RXRA: variants seen among roughly 807,000 people sequenced by gnomAD.
The protein encoded by RXRA is retinoic acid receptor RXR-alpha.
Under a neutral mutation model 44.5 loss-of-function variants are expected in RXRA, and 5 were observed. That is an observed-to-expected ratio of 0.11 (90% CI 0.06 to 0.24). RXRA has a LOEUF of 0.24. RXRA is among the 10% of genes least tolerant of loss of function. RXRA has a pLI of 1.00. For synonymous variants in RXRA, 291 were observed against 271.4 expected (o/e 1.07, Z -0.71); for missense variants, 412 against 646.5 (o/e 0.64, Z 3.93).
intron 1 of RXRA, among the ~76,000 whole-genome samples, chr9:134,351,771 A>G (rs1830224570): frequency 6.6e-6 from 1 of 152,280 alleles, no homozygotes. Context: ...GTTTTTAACC[A>G]TCAGAACGCG....
intron 1 of RXRA, among the ~76,000 whole-genome samples, chr9:134,398,034 C>T (rs559926602): frequency 9.2e-5 from 14 of 151,988 alleles, no homozygotes; most frequent in East Asian, 1.9e-4. Context: ...GGCTGGAGTG[C>T]GATGGCGCGA....
At chr9:134,423,758 G>T in intron 6 of RXRA, 2 of 985,458 alleles carry the variant, frequency 2.0e-6, no homozygotes, top group Non-Finnish European at 2.4e-6. Context: ...TTGTTTGCAG[G>T]GGCTCCCCCA....
At chr9:134,348,066 G>A (rs1830176333) in intron 1 of RXRA, among the ~76,000 whole-genome samples, 1 of 152,202 alleles carries the variant, frequency 6.6e-6, no homozygotes, top group Non-Finnish European at 1.5e-5. Context: ...CCAACAGGCC[G>A]GGAGAGAGGG....
intron 1 of RXRA, among the ~76,000 whole-genome samples, chr9:134,328,328 A>G (rs536184967): frequency 3.3e-5 from 5 of 152,272 alleles, no homozygotes; most frequent in African/African-American, 1.2e-4. Flanking sequence ...CGGGTGGGAC[A>G]GGGATAGTCC....
chr9:134,377,992 G>A (rs1042283253), intron 1 of RXRA, among the ~76,000 whole-genome samples: 7 of 152,214 alleles, frequency 4.6e-5, no homozygotes, highest in South Asian at 2.1e-4. Context: ...GCTCAGCGTC[G>A]GCCACACCCA....
At chr9:134,336,440 C>T (rs1178065846) in intron 1 of RXRA, among the ~76,000 whole-genome samples, 2 of 152,214 alleles carry the variant, frequency 1.3e-5, no homozygotes, top group East Asian at 1.9e-4. Context: ...GACTTTGTGA[C>T]TTGGAGCACG....
chr9:134,392,762 C>G (rs1830819344), intron 1 of RXRA, among the ~76,000 whole-genome samples: 1 of 152,184 alleles, frequency 6.6e-6, no homozygotes. Context: ...GGTCCCTGGT[C>G]CTGGCCCCTG....
chr9:134,401,825 C>T lies in RXRA; in HGVS notation c.222C>T (p.Pro74=), dbSNP rs1490458943. 1.2e-6 allele frequency: 2 copies of T among 1,612,744 alleles called. No homozygotes were observed. Among genetic ancestry groups the T allele is most frequent in the Non-Finnish European group, 1.7e-6 (2 of 1,179,776 alleles). ...CGGTCATCAGCTCCCCCATGGGCCC[C>T]CACTCCATGTCGGTGCCCACCACAC... The part of the protein sequence containing the change: ...PFSVISSPMG[P]HSMSVPTTPT... Residue 74 remains proline (P), a synonymous_variant, in exon 2 of 10, where the codon CCC becomes CCT. Coordinates refer to ENST00000481739, the MANE Select transcript of RXRA (RefSeq NM_002957.6).
At chr9:134,410,710 G>GC (rs1401140993) in intron 4 of RXRA, among the ~76,000 whole-genome samples, 5 of 151,812 alleles carry the variant, frequency 3.3e-5, no homozygotes, top group African/African-American at 7.3e-5. Flanking sequence ...TGGAGCTGGG[G>GC]GGGGAAGGCC....
rs1284932059 is a variant in RXRA at position 134,439,685 on chromosome 9, GGGTGCGTGATCT to G, written c.*3077_*3088del. On this transcript the variant is annotated 3_prime_UTR_variant, in exon 10 of 10. Transcript: ENST00000481739. ...GGCTGGTGTCCCTGTCGTGGAGCTGGGGTGCGTGATCTGGTGCTCGTCCACGCAGGTGTGTGG... is the reference window on the plus strand; with the variant it reads ...GGCTGGTGTCCCTGTCGTGGAGCTGGGGTGCTCGTCCACGCAGGTGTGTGG... The G allele has an allele frequency of 1.3e-5, 2 of 152,802 alleles. No individual in the cohort carries two copies. Among genetic ancestry groups the G allele is most frequent in the African/African-American group, 2.4e-5 (1 of 41,486 alleles). The allele number at this position is 152,802 out of a possible 1,614,324, so 9.5% of individuals were successfully genotyped here.
chr9:134,413,197 G>T (rs1229567051), intron 4 of RXRA, among the ~76,000 whole-genome samples: 2 of 152,154 alleles, frequency 1.3e-5, no homozygotes, highest in Non-Finnish European at 2.9e-5. Context: ...TGCGAGCTTG[G>T]GGGTGGATGA....
intron 6 of RXRA, chr9:134,425,559 GGGGTGA>G: frequency 1.4e-6 from 1 of 739,316 alleles, no homozygotes; most frequent in Non-Finnish European, 1.6e-6. Flanking sequence ...GGGGTGGGGG[GGGGTGA>G]GGGGGGTGGG....
chr9:134,392,440 C>A (rs1437775426), intron 1 of RXRA, among the ~76,000 whole-genome samples: 2 of 152,178 alleles, frequency 1.3e-5, no homozygotes, highest in Admixed American at 6.5e-5. Flanking sequence ...GGTGGGTGGC[C>A]CTGAGCCCAC....
At position 134,410,046 on chromosome 9, in the gene RXRA, C is replaced by G. The variant is rs35213182; in HGVS notation, c.610+927C>G. Reference sequence around the variant, plus strand: ...CCACTGTCTCACCGTCAGGGATGTCCTGAGTGGCCACCTTGGTGCTGCAGT... The same window carrying G: ...CCACTGTCTCACCGTCAGGGATGTCGTGAGTGGCCACCTTGGTGCTGCAGT... On this transcript the variant is annotated intron_variant, in intron 4 of 9. Coordinates refer to ENST00000481739, the MANE Select transcript of RXRA (RefSeq NM_002957.6). Among the ~76,000 whole-genome samples, 100 of 152,346 alleles carry G rather than the reference C, an allele frequency of 6.6e-4. No homozygotes were observed. The East Asian group carries it at 0.019, about 29-fold the overall frequency.
At chr9:134,409,178 G>C in intron 4 of RXRA, 59 bp downstream of exon 4, 2 of 1,453,708 alleles carry the variant, frequency 1.4e-6, no homozygotes, top group South Asian at 1.4e-5. Context: ...TGGGGCCCGG[G>C]CTTGTGCGTG....
At chr9:134,353,787 G>A (rs908668606) in intron 1 of RXRA, among the ~76,000 whole-genome samples, 2 of 152,236 alleles carry the variant, frequency 1.3e-5, no homozygotes, top group Non-Finnish European at 2.9e-5. Context: ...ATGTCCCGTT[G>A]GGGCCGTGCC....
intron 1 of RXRA, among the ~76,000 whole-genome samples, chr9:134,333,758 G>A (rs1308172184): frequency 1.3e-5 from 2 of 152,224 alleles, no homozygotes; most frequent in Admixed American, 1.3e-4. Flanking sequence ...CCTGGGCAGA[G>A]GTCAGGCAGT....
chr9:134,425,747 T>C (rs1228647236), intron 6 of RXRA: 1 of 985,170 alleles, frequency 1.0e-6, no homozygotes, highest in East Asian at 1.1e-4. Context: ...CAGGCTGGGC[T>C]CTTGTCACTG....
At chr9:134,384,692 G>A (rs1028115035) in intron 1 of RXRA, among the ~76,000 whole-genome samples, 1 of 152,182 alleles carries the variant, frequency 6.6e-6, no homozygotes, top group African/African-American at 2.4e-5. Context: ...TCACCCGGTC[G>A]GCCTGGGGGC....
Sources: allele counts gnomAD v4.1 joint callset (sites outside exome capture counted in the v4.1 genomes callset), GRCh38; gene constraint gnomAD v4.1.1; transcripts MANE v1.5; gene names NCBI Gene and HGNC (gene_info 2026-07-23, HGNC 2026-07-21).